F8: variants seen among roughly 807,000 people sequenced by gnomAD.
F8 encodes coagulation factor VIII, also known as antihemophilic factor.
F8 carries 12 observed loss-of-function variants against 140.6 expected under a neutral mutation model. The observed-to-expected ratio is 0.09, with a 90% CI of 0.05 to 0.14. The LOEUF (loss-of-function observed/expected upper bound fraction) is 0.14. F8 is among the 10% of genes least tolerant of loss of function. The probability of loss-of-function intolerance (pLI) is 1.00; values close to 1 mark genes in which losing one functional copy is unlikely to be tolerated. For missense variants in F8, 1,354 were observed against 1,720.7 expected (o/e 0.79, Z 3.77); for synonymous variants, 585 against 614.6 (o/e 0.95, Z 0.71).
intron 6 of F8, among the ~76,000 whole-genome samples, chrX:154,978,184 T>C (rs190486871): frequency 9.0e-6 from 1 of 111,086 alleles, no homozygotes; most frequent in Admixed American, 9.7e-5. Flanking sequence ...CTTTGTATTT[T>C]TTTCAGAATT....
At chrX:154,846,397 A>T (rs1557271751) in intron 25 of F8, among the ~76,000 whole-genome samples, 1 of 111,443 alleles carries the variant, frequency 9.0e-6, no homozygotes, top group East Asian at 2.8e-4. Context: ...AAAGTCTCCC[A>T]TTATTATTGT....
chrX:154,944,985 C>T (rs2073294984), intron 13 of F8, among the ~76,000 whole-genome samples: 1 of 109,532 alleles, frequency 9.1e-6, no homozygotes, highest in Admixed American at 9.8e-5. Flanking sequence ...CACATGGACA[C>T]AGGAAGGGGA....
chrX:154,895,998 G>C (rs1203174631), intron 22 of F8, 79 bp downstream of exon 22: 3 of 955,621 alleles, frequency 3.1e-6, no homozygotes, highest in African/African-American at 3.8e-5. Context: ...TGGAAGCTAA[G>C]AGTGTTTGTC....
At chrX:154,972,332 G>A (rs781818871) in intron 6 of F8, among the ~76,000 whole-genome samples, 32 of 111,708 alleles carry the variant, frequency 2.9e-4, no homozygotes, top group African/African-American at 1.0e-3. Flanking sequence ...TTGGAGAAAT[G>A]TCTATTCAGG....
rs1408806387 is a variant in F8 at position 154,836,432 on chromosome X, GGTGATATGGCAGACTGGA to G, written c.*1147_*1164del. 1.1e-4 allele frequency: 12 copies of G among 111,203 alleles called. No individual in the cohort carries two copies. The highest frequency in any genetic ancestry group is 3.0e-4 in the African/African-American group (9 of 30,507). 9.2% of individuals were successfully genotyped at this position (111,203 alleles called of 1,213,427 possible). On this transcript the variant is annotated 3_prime_UTR_variant, in exon 26 of 26. Transcript: ENST00000360256. The stretch of plus-strand genomic sequence containing the variant: ...GGCAAGAAGGGGGATCCTATTGTGT[GGTGATATGGCAGACTGGA>G]GTGTTTTTTCTGTTTTCACCAGTCC...
At chrX:154,896,034 T>A in intron 22 of F8, 43 bp downstream of exon 22, 1 of 1,174,422 alleles carries the variant, frequency 8.5e-7, no homozygotes, top group Non-Finnish European at 1.2e-6. Context: ...GCCAAAATTC[T>A]TTAAAGTATT....
chrX:154,881,556 T>C (rs1469759557), intron 22 of F8, among the ~76,000 whole-genome samples: 1 of 112,077 alleles, frequency 8.9e-6, no homozygotes, highest in Non-Finnish European at 1.9e-5. Flanking sequence ...TCAATTTATA[T>C]AATACACCAT....
intron 13 of F8, among the ~76,000 whole-genome samples, chrX:154,943,722 G>C (rs895016390): frequency 1.8e-5 from 2 of 111,616 alleles, no homozygotes; most frequent in African/African-American, 6.5e-5. Context: ...TCAATCCTAA[G>C]CCTAATGAAC....
intron 1 of F8, among the ~76,000 whole-genome samples, chrX:155,013,711 T>C (rs782793235): frequency 1.8e-5 from 2 of 111,512 alleles, no homozygotes; most frequent in South Asian, 3.7e-4. Context: ...ATACTAGAGA[T>C]TGGGTGACTT....
At chrX:154,950,257 T>C (rs781948255) in intron 12 of F8, among the ~76,000 whole-genome samples, 1 of 111,996 alleles carries the variant, frequency 8.9e-6, no homozygotes, top group South Asian at 3.7e-4. Context: ...ATACTAGGAG[T>C]GGATTTCCTG....
chrX:154,889,965 G>A (rs1397040039), intron 22 of F8, among the ~76,000 whole-genome samples: 1 of 66,956 alleles, frequency 1.5e-5, no homozygotes, highest in East Asian at 3.8e-4. Flanking sequence ...CCGGAGGAAG[G>A]TGGTCAAGAC....
rs782487439 is a variant in F8 at position 154,844,768 on chromosome X, T to C, written c.6901-7016A>G. On this transcript the variant is annotated intron_variant, in intron 25 of 25. Transcript: ENST00000360256. ...ACAATTTGACTTCCTCTTTTCCTAA[T>C]TGAATACCCTTTATTTCTTTCTCCT... Among the ~76,000 whole-genome samples the C allele has an allele frequency of 8.7e-3, 971 of 111,093 alleles. 14 individuals are homozygous for C. The highest frequency in any genetic ancestry group is 0.03 in the African/African-American group (925 of 30,432).
Position 154,931,717 on chromosome X carries a change from C to A in F8, c.2114-41G>T, listed in dbSNP as rs201518221. On this transcript the variant is annotated intron_variant, in intron 13 of 25. Coordinates refer to ENST00000360256, the MANE Select transcript of F8 (RefSeq NM_000132.4). ...AATAAGACTCTGGTTACTCATAACA[C>A]AGATTCTAAAACGTTCTGTTAGAGG... 3.6e-6 allele frequency: 4 copies of A among 1,119,768 alleles called. No individual in the cohort carries two copies. The African/African-American group carries it at 7.2e-5, about 20-fold the overall frequency. The allele number at this position is 1,119,768 out of a possible 1,213,427, so 92.3% of individuals were successfully genotyped here.
At chrX:154,953,582 T>C (rs1291974053) in intron 12 of F8, among the ~76,000 whole-genome samples, 3 of 111,811 alleles carry the variant, frequency 2.7e-5, no homozygotes, top group Non-Finnish European at 5.6e-5. Flanking sequence ...TATATAATTA[T>C]AGAGAAAATA....
At chrX:154,966,393 AAG>A (rs2124105778) in intron 8 of F8, 31 bp downstream of exon 8, 1 of 1,207,433 alleles carries the variant, frequency 8.3e-7, no homozygotes, top group African/African-American at 1.7e-5. Flanking sequence ...GAGTATGGGG[AAG>A]AGAGAGTACC....
chrX:154,871,372 G>C (rs2072772420), intron 22 of F8, among the ~76,000 whole-genome samples: 1 of 111,950 alleles, frequency 8.9e-6, no homozygotes, highest in Non-Finnish European at 1.9e-5. Flanking sequence ...GAACAGAATG[G>C]AGGCCTCAGA....
intron 9 of F8, among the ~76,000 whole-genome samples, chrX:154,963,991 C>A (rs1230313115): frequency 1.8e-5 from 2 of 111,081 alleles, no homozygotes; most frequent in African/African-American, 6.6e-5. Context: ...CAGGCATGTG[C>A]CACCATGCCT....
At chrX:154,946,709 A>G (rs2073306626) in intron 13 of F8, among the ~76,000 whole-genome samples, 1 of 111,852 alleles carries the variant, frequency 8.9e-6, no homozygotes, top group Non-Finnish European at 1.9e-5. Flanking sequence ...GGACTAAAGC[A>G]AAAGTAGACA....
At chrX:154,911,297 C>G (rs1000375586) in intron 14 of F8, among the ~76,000 whole-genome samples, 4 of 107,691 alleles carry the variant, frequency 3.7e-5, no homozygotes, top group African/African-American at 1.4e-4. Context: ...CTGTGGGTGA[C>G]GAGGGGCAGG....
Sources: gnomAD v4.1 joint callset for allele counts (sites outside exome capture counted in the v4.1 genomes callset) on GRCh38, gnomAD v4.1.1 for gene constraint, MANE v1.5 for transcripts, NCBI Gene and HGNC (gene_info 2026-07-23, HGNC 2026-07-21) for gene names.